SLC39A11: variants seen among roughly 807,000 people sequenced by gnomAD.
SLC39A11 encodes the protein solute carrier family 39 member 11.
SLC39A11 carries 33 observed loss-of-function variants against 36.1 expected under a neutral mutation model. That is an observed-to-expected ratio of 0.91 (90% confidence interval 0.69 to 1.22). The LOEUF (loss-of-function observed/expected upper bound fraction) is 1.22, where lower values mean the gene tolerates loss of function less well. Among genes scored for constraint, SLC39A11 ranks in the 50% most tolerant of loss-of-function variants. The pLI is 0.00. For missense variants in SLC39A11, 432 were observed against 430.3 expected (o/e 1.00, Z -0.03); for synonymous variants, 166 against 170.3 (o/e 0.97, Z 0.20).
chr17:73,075,346 C>T (rs1044614446), intron 3 of SLC39A11, among the ~76,000 whole-genome samples: 2 of 152,176 alleles, frequency 1.3e-5, no homozygotes, highest in Admixed American at 6.5e-5. Flanking sequence ...TGAGCTTGCC[C>T]GAGGTCACTC....
In SLC39A11 at chr17:72,782,687, CAA is replaced by C. The variant is rs72447211; in HGVS notation, c.602-45970_602-45969del. On this transcript the variant is annotated intron_variant, in intron 6 of 9. Coordinates refer to ENST00000255559, the MANE Select transcript of SLC39A11 (RefSeq NM_139177.4). ...TGGGCGACACAGCAAGACCCCATCT[CAA>C]AAAAAAAAAAAAAAAAAAAAAAAAA... Among the ~76,000 whole-genome samples, 446 of 62,360 alleles carry C rather than the reference CAA, an allele frequency of 7.2e-3. 2 individuals are homozygous for C. The highest frequency in any genetic ancestry group is 0.017 in the African/African-American group (293 of 17,396). The allele number at this position is 62,360 out of a possible 152,430, so 40.9% of individuals were successfully genotyped here.
At chr17:73,056,657 A>C (rs902026668) in intron 3 of SLC39A11, among the ~76,000 whole-genome samples, 6 of 152,176 alleles carry the variant, frequency 3.9e-5, no homozygotes, top group African/African-American at 1.4e-4. Context: ...TGCCTGGGTC[A>C]AACAAGCTGG....
chr17:72,733,113 A>G (rs891984378), intron 7 of SLC39A11, among the ~76,000 whole-genome samples: 3 of 152,204 alleles, frequency 2.0e-5, no homozygotes, highest in African/African-American at 7.2e-5. Context: ...GCACGGCTCC[A>G]TCCGCTCCAT....
chr17:73,000,543 G>A (rs1261972411), intron 4 of SLC39A11, among the ~76,000 whole-genome samples: 1 of 152,158 alleles, frequency 6.6e-6, no homozygotes, highest in African/African-American at 2.4e-5. Context: ...TGTTACTCTT[G>A]GAAGCTGAGC....
At chr17:72,957,797 C>A (rs1009871795) in intron 4 of SLC39A11, among the ~76,000 whole-genome samples, 1 of 148,390 alleles carries the variant, frequency 6.7e-6, no homozygotes, top group Admixed American at 6.9e-5. Context: ...CCAGCCTGGG[C>A]GACAAAGGGA....
chr17:72,960,420 C>T (rs1249532092), intron 4 of SLC39A11, among the ~76,000 whole-genome samples: 1 of 151,888 alleles, frequency 6.6e-6, no homozygotes, highest in African/African-American at 2.4e-5. Flanking sequence ...GATAGATTGA[C>T]AGATAGATAG....
At chr17:72,695,301 C>T (rs943185437) in intron 7 of SLC39A11, among the ~76,000 whole-genome samples, 6 of 152,300 alleles carry the variant, frequency 3.9e-5, no homozygotes, top group East Asian at 1.9e-4. Flanking sequence ...CTTCCCGGCA[C>T]GTAGTATCCA....
At chr17:72,929,064 C>T (rs750316802) in intron 5 of SLC39A11, among the ~76,000 whole-genome samples, 12 of 152,092 alleles carry the variant, frequency 7.9e-5, no homozygotes, top group Non-Finnish European at 1.6e-4. Flanking sequence ...CCAGTGCACA[C>T]TGCAAAGGTA....
intron 2 of SLC39A11, among the ~76,000 whole-genome samples, chr17:73,087,065 A>C (rs1021217458): frequency 4.9e-4 from 75 of 151,984 alleles, no homozygotes; most frequent in African/African-American, 1.7e-3. Flanking sequence ...AAAGAAAAAA[A>C]AAACAAACAA....
chr17:73,059,654 C>CA (rs57518384), intron 3 of SLC39A11, among the ~76,000 whole-genome samples: 63 of 127,966 alleles, frequency 4.9e-4, no homozygotes, highest in Non-Finnish European at 5.5e-4. Context: ...AAACTGTCTC[C>CA]AAAAAAAAAA....
At chr17:72,903,444 G>A (rs564073075) in intron 5 of SLC39A11, among the ~76,000 whole-genome samples, 7 of 152,208 alleles carry the variant, frequency 4.6e-5, no homozygotes, top group South Asian at 2.1e-4. Flanking sequence ...CTAAGACCCC[G>A]ATTCAGACAT....
chr17:72,879,499 A>G (rs2081088566), intron 5 of SLC39A11, among the ~76,000 whole-genome samples: 1 of 152,184 alleles, frequency 6.6e-6, no homozygotes, highest in Admixed American at 6.5e-5. Context: ...ACTGCTATCT[A>G]GTTTCTACAT....
At chr17:72,931,256 C>G (rs1450894118) in intron 5 of SLC39A11, among the ~76,000 whole-genome samples, 2 of 152,116 alleles carry the variant, frequency 1.3e-5, no homozygotes, top group Non-Finnish European at 2.9e-5. Context: ...CGAGATGAAA[C>G]CAAACAGGAA....
chr17:72,748,595 T>G (rs1256488825), intron 6 of SLC39A11, among the ~76,000 whole-genome samples: 1 of 152,112 alleles, frequency 6.6e-6, no homozygotes, highest in Non-Finnish European at 1.5e-5. Flanking sequence ...CAGCGCCTCG[T>G]TTGTATGACT....
intron 2 of SLC39A11, among the ~76,000 whole-genome samples, chr17:73,085,088 C>T (rs2060679226): frequency 6.6e-6 from 1 of 152,146 alleles, no homozygotes; most frequent in Non-Finnish European, 1.5e-5. Flanking sequence ...TTGTCTTGGC[C>T]CTTGTGTTGT....
chr17:72,853,062 T>C (rs1372235178), intron 5 of SLC39A11, among the ~76,000 whole-genome samples: 1 of 152,196 alleles, frequency 6.6e-6, no homozygotes, highest in African/African-American at 2.4e-5. Flanking sequence ...TTGCCCAGGC[T>C]AGAGTGCAGT....
At chr17:73,005,214 A>G (rs1407097642) in intron 4 of SLC39A11, among the ~76,000 whole-genome samples, 1 of 152,114 alleles carries the variant, frequency 6.6e-6, no homozygotes, top group African/African-American at 2.4e-5. Context: ...CTGACCTCAG[A>G]CGATCCGCCA....
intron 6 of SLC39A11, among the ~76,000 whole-genome samples, chr17:72,752,852 G>C (rs7220265): frequency 6.6e-6 from 1 of 151,954 alleles, no homozygotes; most frequent in Non-Finnish European, 1.5e-5. Context: ...GTTTTTGTTG[G>C]TGGTGGTGTT....
In SLC39A11 at chr17:72,940,629, CT is replaced by C. The variant is rs552991226; in HGVS notation, c.430+7122del. Among the ~76,000 whole-genome samples, 49 of 152,300 alleles carry C rather than the reference CT, an allele frequency of 3.2e-4. 1 individual carries two copies. The highest frequency in any genetic ancestry group is 1.1e-3 in the African/African-American group (46 of 41,564). On this transcript the variant is annotated intron_variant, in intron 5 of 9. Transcript: ENST00000255559. ...AGTAACTTTTCAACTTCATTCTACT[CT>C]TTTTTCATCCTGCATAGTCTGCATT...
Sources: gnomAD v4.1 joint callset for allele counts (sites outside exome capture counted in the v4.1 genomes callset) on GRCh38, gnomAD v4.1.1 for gene constraint, MANE v1.5 for transcripts, NCBI Gene and HGNC (gene_info 2026-07-23, HGNC 2026-07-21) for gene names.